Variants in EYA2 observed in about 807,000 individuals in gnomAD.
EYA2 encodes the protein protein phosphatase EYA2.
EYA2 carries 31 observed loss-of-function variants against 69.2 expected under a neutral mutation model. The ratio of observed to expected loss-of-function variants is 0.45; its 90% CI spans 0.34 to 0.60. The LOEUF (loss-of-function observed/expected upper bound fraction) is 0.60, where lower values mean the gene tolerates loss of function less well. Ranked by LOEUF, EYA2 falls within the 20% of genes least tolerant of loss-of-function variation. EYA2 has a pLI of 0.02. For missense variants in EYA2, 622 were observed against 701.2 expected (o/e 0.89, Z 1.28); for synonymous variants, 257 against 279.4 (o/e 0.92, Z 0.80).
Position 47,142,836 on chromosome 20 carries a change from G to A in EYA2, c.889-223G>A, listed in dbSNP as rs143298136. The stretch of plus-strand genomic sequence containing the variant: ...TCATTTTCCAGGAGATTTAAATACT[G>A]GAAAGGGTAAAAAGAAATGGTGAAA... On this transcript the variant is annotated intron_variant, in intron 9 of 15. Transcript: ENST00000327619. Among the ~76,000 whole-genome samples, 75 of 152,312 alleles carry A rather than the reference G, an allele frequency of 4.9e-4. No individual in the cohort carries two copies. The East Asian group carries it at 0.014, about 28-fold the overall frequency.
Position 47,089,160 on chromosome 20 carries a change from C to T in EYA2, c.662-79C>T, listed in dbSNP as rs1422953882. The T allele has an allele frequency of 9.1e-6, 14 of 1,538,138 alleles. No individual in the cohort carries two copies. The Admixed American group carries it at 1.2e-4, about 14-fold the overall frequency. Reference sequence around the variant, plus strand: ...TGGAACCCACTGCTTTGGAGCTAGACGGTGCTGTTGGGATATTTCCCAGGA... The same window carrying T: ...TGGAACCCACTGCTTTGGAGCTAGATGGTGCTGTTGGGATATTTCCCAGGA... On this transcript the variant is annotated intron_variant, in intron 7 of 15. Transcript: ENST00000327619.
chr20:46,987,979 TATATATATATATATATATGG>T (rs1337111554), intron 1 of EYA2, among the ~76,000 whole-genome samples: 14 of 72,970 alleles, frequency 1.9e-4, no homozygotes, highest in African/African-American at 9.5e-4. Flanking sequence ...TATATATATA[TATATATATATATATATATGG>T]GGCAAAAAAA....
intron 9 of EYA2, among the ~76,000 whole-genome samples, chr20:47,112,959 C>G (rs528127248): frequency 7.0e-6 from 1 of 143,268 alleles, no homozygotes; most frequent in Non-Finnish European, 1.5e-5. Context: ...GCAACCACTG[C>G]CTCCCAGGTT....
intron 5 of EYA2, among the ~76,000 whole-genome samples, chr20:47,048,474 A>G (rs1264507848): frequency 6.6e-6 from 1 of 152,230 alleles, no homozygotes; most frequent in Non-Finnish European, 1.5e-5. Flanking sequence ...GCAGTGGCCC[A>G]TACCTGTAAT....
chr20:46,926,539 T>C (rs1010518988), intron 1 of EYA2, among the ~76,000 whole-genome samples: 1 of 152,166 alleles, frequency 6.6e-6, no homozygotes, highest in African/African-American at 2.4e-5. Context: ...CCTCAGTGGA[T>C]TGGATGGTGC....
intron 1 of EYA2, among the ~76,000 whole-genome samples, chr20:46,899,084 A>G (rs1983964028): frequency 6.6e-6 from 1 of 152,166 alleles, no homozygotes. Flanking sequence ...TATTATTATC[A>G]TTATTTCAAC....
intron 9 of EYA2, among the ~76,000 whole-genome samples, chr20:47,116,537 C>T (rs576721036): frequency 2.0e-5 from 3 of 152,168 alleles, no homozygotes; most frequent in South Asian, 2.1e-4. Flanking sequence ...TGTCAATCTC[C>T]CCTCCCCCAT....
chr20:46,935,120 G>C (rs1264981390), intron 1 of EYA2, among the ~76,000 whole-genome samples: 1 of 152,238 alleles, frequency 6.6e-6, no homozygotes, highest in Non-Finnish European at 1.5e-5. Context: ...CTTAGCTGGG[G>C]CGTGGAGCAC....
At chr20:47,101,798 C>T (rs6066197) in intron 9 of EYA2, among the ~76,000 whole-genome samples, 11,358 of 152,146 alleles carry the variant, frequency 0.075, 802 homozygotes, top group East Asian at 0.23. Context: ...GAAGTGTGAG[C>T]CCCATTTTGC....
chr20:47,136,410 T>C (rs1035576077), intron 9 of EYA2, among the ~76,000 whole-genome samples: 6 of 152,190 alleles, frequency 3.9e-5, no homozygotes, highest in African/African-American at 1.4e-4. Context: ...AAGATAGTGA[T>C]CCACGAGGCA....
chr20:47,058,782 G>GTGAGC (rs1468292771), intron 5 of EYA2, among the ~76,000 whole-genome samples: 2 of 152,188 alleles, frequency 1.3e-5, no homozygotes, highest in African/African-American at 4.8e-5. Flanking sequence ...CAGAGCTGTG[G>GTGAGC]TGAGCTATGA....
chr20:46,943,842 A>T (rs561796798), intron 1 of EYA2, among the ~76,000 whole-genome samples: 198 of 152,268 alleles, frequency 1.3e-3, no homozygotes, highest in African/African-American at 4.6e-3. Flanking sequence ...GCTGTTCTGT[A>T]AAAGAACTTC....
At chr20:46,947,396 A>G (rs1428165815) in intron 1 of EYA2, among the ~76,000 whole-genome samples, 1 of 152,150 alleles carries the variant, frequency 6.6e-6, no homozygotes, top group African/African-American at 2.4e-5. Flanking sequence ...CATACAATAA[A>G]CTGCATACAC....
intron 9 of EYA2, among the ~76,000 whole-genome samples, chr20:47,129,137 T>C (rs1395247366): frequency 6.6e-6 from 1 of 151,848 alleles, no homozygotes; most frequent in African/African-American, 2.4e-5. Flanking sequence ...AAAAAGAAAA[T>C]AAATTAACCA....
At chr20:47,149,552 C>T (rs1444354645) in intron 10 of EYA2, among the ~76,000 whole-genome samples, 2 of 151,838 alleles carry the variant, frequency 1.3e-5, no homozygotes, top group South Asian at 2.1e-4. Flanking sequence ...ATTAAAAGAA[C>T]ACAAGTTTGG....
chr20:47,172,704 C>T lies in EYA2; in HGVS notation c.1038-3C>T, dbSNP rs1221255857. On this transcript the variant is annotated splice_polypyrimidine_tract_variant and splice_region_variant and intron_variant, in intron 11 of 15. Coordinates refer to ENST00000327619, the MANE Select transcript of EYA2 (RefSeq NM_005244.5). ...CACTGTCCCTCCCCTCCTCTCTCCG[C>T]AGCACATACAACTTCTCCGCTGACG... is the stretch of plus-strand genomic sequence containing the variant. The T allele has an allele frequency of 6.2e-7, 1 of 1,608,688 alleles. No individual in the cohort carries two copies. Among genetic ancestry groups the T allele is most frequent in the Non-Finnish European group, 8.5e-7 (1 of 1,177,584 alleles).
chr20:47,075,776 T>G (rs560996098), intron 7 of EYA2, among the ~76,000 whole-genome samples: 1 of 152,280 alleles, frequency 6.6e-6, no homozygotes, highest in South Asian at 2.1e-4. Context: ...TCGTGGAGGT[T>G]TAGTGTACAG....
intron 4 of EYA2, among the ~76,000 whole-genome samples, chr20:47,015,027 C>T (rs937159047): frequency 5.9e-5 from 9 of 152,020 alleles, no homozygotes; most frequent in Admixed American, 3.3e-4. Context: ...ATAGAATACT[C>T]CTGTTTATAT....
intron 5 of EYA2, among the ~76,000 whole-genome samples, chr20:47,017,473 A>G (rs965807178): frequency 6.6e-6 from 1 of 152,216 alleles, no homozygotes; most frequent in African/African-American, 2.4e-5. Flanking sequence ...TGGAAGTACT[A>G]TCACTTCATC....
Sources: allele counts gnomAD v4.1 joint callset (sites outside exome capture counted in the v4.1 genomes callset), GRCh38; gene constraint gnomAD v4.1.1; transcripts MANE v1.5; gene names NCBI Gene and HGNC (gene_info 2026-07-23, HGNC 2026-07-21).